MYO18B: variants seen among roughly 807,000 people sequenced by gnomAD.
The protein encoded by MYO18B is myosin XVIIIB, also known as unconventional myosin-XVIIIb.
MYO18B carries 204 observed loss-of-function variants against 273.0 expected under a neutral mutation model. The ratio of observed to expected loss-of-function variants is 0.75; its 90% CI spans 0.67 to 0.84. The LOEUF is 0.84. MYO18B is among the 40% of genes least tolerant of loss of function. The pLI is 0.00. For synonymous variants in MYO18B, 1,330 were observed against 1,305.7 expected (o/e 1.02, Z -0.40); for missense variants, 3,212 against 3,287.6 (o/e 0.98, Z 0.56).
intron 42 of MYO18B, among the ~76,000 whole-genome samples, chr22:26,017,357 T>A (rs1210714538): frequency 4.6e-5 from 7 of 151,918 alleles, no homozygotes; most frequent in Non-Finnish European, 8.8e-5. Context: ...CCTTCCTTCC[T>A]TCCTCCCTTC....
chr22:26,002,398 G>A (rs1934040607), intron 40 of MYO18B, among the ~76,000 whole-genome samples: 1 of 152,222 alleles, frequency 6.6e-6, no homozygotes, highest in Admixed American at 6.5e-5. Context: ...GTCCAGAAGG[G>A]ATGTTGGTCA....
At chr22:25,966,043 T>C (rs990717488) in intron 39 of MYO18B, among the ~76,000 whole-genome samples, 1 of 152,184 alleles carries the variant, frequency 6.6e-6, no homozygotes, top group African/African-American at 2.4e-5. Flanking sequence ...AACTCATGTA[T>C]AAAATAGATG....
At chr22:25,989,644 A>C (rs899953463) in intron 39 of MYO18B, among the ~76,000 whole-genome samples, 21 of 148,792 alleles carry the variant, frequency 1.4e-4, no homozygotes, top group East Asian at 6.4e-4. Context: ...AAAAAAAAAA[A>C]AAAAAAAAGC....
At chr22:25,786,806 A>G (rs1435002827) in intron 11 of MYO18B, among the ~76,000 whole-genome samples, 1 of 152,274 alleles carries the variant, frequency 6.6e-6, no homozygotes, top group Non-Finnish European at 1.5e-5. Context: ...TAGAATATAA[A>G]AGTAATTCTC....
At position 25,832,766 on chromosome 22, in the gene MYO18B, T is replaced by G. The variant is rs2089756785; in HGVS notation, c.2980-151T>G. The G allele has an allele frequency of 4.9e-6, 3 of 611,942 alleles. No homozygotes were observed. In the East Asian group the frequency reaches 8.3e-5, roughly 17 times the overall value. 37.9% of individuals were successfully genotyped at this position (611,942 alleles called of 1,614,324 possible). ...AAAATGACTAAAATGGTAAATTTTC[T>G]GCTATGTATCTTTTGCCAAAATTTA... On this transcript the variant is annotated intron_variant, in intron 15 of 43. Transcript: ENST00000335473.
At chr22:25,897,648 A>G (rs1006859591) in intron 28 of MYO18B, 1 of 152,266 alleles carries the variant, frequency 6.6e-6, no homozygotes, top group East Asian at 1.9e-4. Context: ...TACAGGCTTC[A>G]TTAACTCAGA....
At chr22:25,866,630 A>G (rs913495726) in intron 21 of MYO18B, among the ~76,000 whole-genome samples, 5 of 151,878 alleles carry the variant, frequency 3.3e-5, no homozygotes, top group African/African-American at 9.7e-5. Context: ...CATGAGGTCA[A>G]GAGATGGAGA....
intron 12 of MYO18B, among the ~76,000 whole-genome samples, chr22:25,813,060 C>T (rs1362049914): frequency 6.6e-6 from 1 of 151,192 alleles, no homozygotes; most frequent in Non-Finnish European, 1.5e-5. Flanking sequence ...CTTTTCTCTT[C>T]CCTTCCTTCT....
chr22:25,782,366 G>C (rs2087199982), intron 10 of MYO18B, among the ~76,000 whole-genome samples: 1 of 152,216 alleles, frequency 6.6e-6, no homozygotes, highest in Non-Finnish European at 1.5e-5. Context: ...TGGGAGCTTT[G>C]GGTGTATGGT....
intron 12 of MYO18B, among the ~76,000 whole-genome samples, chr22:25,820,569 A>C (rs1381105138): frequency 3.3e-5 from 5 of 152,216 alleles, no homozygotes; most frequent in African/African-American, 1.2e-4. Flanking sequence ...ACATATAATA[A>C]GTGTACATAT....
chr22:25,779,886 T>C (rs1309244381), intron 8 of MYO18B, among the ~76,000 whole-genome samples, 170 bp from the exon 9 acceptor site: 1 of 152,128 alleles, frequency 6.6e-6, no homozygotes, highest in Non-Finnish European at 1.5e-5. Flanking sequence ...GGTTTATAGT[T>C]GGGTTGGGCA....
intron 34 of MYO18B, among the ~76,000 whole-genome samples, chr22:25,945,280 C>G (rs2092691150): frequency 6.6e-6 from 1 of 152,118 alleles, no homozygotes; most frequent in Admixed American, 6.5e-5. Flanking sequence ...CAGGAAGCCT[C>G]CCTCAATTCC....
chr22:26,008,254 A>G (rs1372201092), intron 42 of MYO18B, among the ~76,000 whole-genome samples: 1 of 152,172 alleles, frequency 6.6e-6, no homozygotes, highest in Non-Finnish European at 1.5e-5. Context: ...GCTTTGAAAA[A>G]CACACATTCT....
chr22:25,833,113 C>T (rs2089773072), intron 16 of MYO18B, 116 bp downstream of exon 16: 1 of 961,530 alleles, frequency 1.0e-6, no homozygotes, highest in Admixed American at 2.1e-5. Flanking sequence ...CTAGAGTCAC[C>T]CCGGGATCAT....
At chr22:25,777,828 A>G (rs1483178666) in intron 8 of MYO18B, 47 bp downstream of exon 8, 4 of 1,505,420 alleles carry the variant, frequency 2.7e-6, no homozygotes, top group African/African-American at 1.4e-5. Flanking sequence ...CAGCACGGGG[A>G]GAGTTGGAAG....
At chr22:25,933,944 T>C (rs1308231082) in intron 34 of MYO18B, among the ~76,000 whole-genome samples, 11 of 152,238 alleles carry the variant, frequency 7.2e-5, no homozygotes, top group Admixed American at 7.2e-4. Context: ...GACATTTACA[T>C]TCCCATCAAC....
At chr22:25,832,509 C>T (rs565540847) in intron 15 of MYO18B, among the ~76,000 whole-genome samples, 2 of 152,228 alleles carry the variant, frequency 1.3e-5, no homozygotes, top group African/African-American at 4.8e-5. Flanking sequence ...TGCTAAGTTA[C>T]ATAAGTCAGA....
intron 3 of MYO18B, among the ~76,000 whole-genome samples, chr22:25,764,270 G>C (rs2086427668): frequency 6.6e-6 from 1 of 152,218 alleles, no homozygotes; most frequent in Admixed American, 6.5e-5. Context: ...GGTGGCCAGT[G>C]CTATTTCTCT....
intron 21 of MYO18B, among the ~76,000 whole-genome samples, chr22:25,858,289 G>A (rs695403): frequency 0.39 from 59,561 of 151,678 alleles, 13,618 homozygotes; most frequent in East Asian, 0.75. Flanking sequence ...ATATAGTATG[G>A]CATAGCAAAG....
Sources: gnomAD v4.1 joint callset for allele counts (sites outside exome capture counted in the v4.1 genomes callset) on GRCh38, gnomAD v4.1.1 for gene constraint, MANE v1.5 for transcripts, NCBI Gene and HGNC (gene_info 2026-07-23, HGNC 2026-07-21) for gene names.